Variants in HCN4 observed in about 807,000 individuals in gnomAD.
HCN4 encodes potassium/sodium hyperpolarization-activated cyclic nucleotide-gated channel 4.
HCN4 carries 29 observed loss-of-function variants against 76.9 expected under a neutral mutation model. The ratio of observed to expected loss-of-function variants is 0.38; its 90% CI spans 0.28 to 0.51. The LOEUF (loss-of-function observed/expected upper bound fraction) is 0.51, where lower values mean the gene tolerates loss of function less well. Among genes scored for constraint, HCN4 ranks in the 20% least tolerant of loss-of-function variants. The pLI is 0.90. For missense variants in HCN4, 1,416 were observed against 1,715.2 expected (o/e 0.83, Z 3.08); for synonymous variants, 772 against 762.5 (o/e 1.01, Z -0.21).
chr15:73,357,710 CT>C (rs1049866421), intron 1 of HCN4, among the ~76,000 whole-genome samples: 3 of 152,028 alleles, frequency 2.0e-5, no homozygotes, highest in African/African-American at 7.3e-5. Context: ...GAGGGAGGGC[CT>C]TCAAGAGGCC....
At chr15:73,365,579 G>C (rs1404477817) in intron 1 of HCN4, among the ~76,000 whole-genome samples, 2 of 152,210 alleles carry the variant, frequency 1.3e-5, no homozygotes, top group Non-Finnish European at 2.9e-5. Flanking sequence ...GACCAGGAAG[G>C]GGAAAAGGAT....
intron 2 of HCN4, among the ~76,000 whole-genome samples, chr15:73,332,545 G>A (rs1051032308): frequency 1.2e-4 from 19 of 152,234 alleles, no homozygotes; most frequent in Non-Finnish European, 2.4e-4. Context: ...CTTCCTGAAA[G>A]GTCTAGCCAT....
Position 73,347,497 on chromosome 15 carries a change from A to T in HCN4, c.786-3689T>A, listed in dbSNP as rs566334741. 3.9e-4 allele frequency among the ~76,000 whole-genome samples: 60 copies of T among 152,166 alleles called. 1 individual carries two copies. Among genetic ancestry groups the T allele is most frequent in the Non-Finnish European group, 6.6e-4 (45 of 68,022 alleles). On this transcript the variant is annotated intron_variant, in intron 1 of 7. Coordinates refer to ENST00000261917, the MANE Select transcript of HCN4 (RefSeq NM_005477.3). ...ATGCTCCTGATGCTAGGGCTGTCTG[A>T]GGTAGAGGAAGTAGCACACCTCTCA... is the stretch of plus-strand genomic sequence containing the variant.
rs2042890190 is a variant in HCN4 at position 73,325,001 on chromosome 15, G to C, written c.1932C>G (p.Thr644=). Residue 644 remains threonine (T), a synonymous_variant, in exon 6 of 8, where the codon ACC becomes ACG. Transcript: ENST00000261917. The surrounding 1 kb of genome is among the most constrained non-coding windows in gnomAD (Gnocchi z 7.4). ...CCAGCTTGGTCTCCTTGTTGCCCTT[G>C]GTGAGCACGCTGACCACGCCATGCT... ...FIQHGVVSVL[T]KGNKETKLAD... 2 of 1,614,056 alleles carry C rather than the reference G, an allele frequency of 1.2e-6. No homozygotes were observed. The highest frequency in any genetic ancestry group is 1.3e-5 in the African/African-American group (1 of 74,926).
rs2042847599 is a variant in HCN4, at chr15:73,320,093, CT to C, written c.*2387del. 1 of 152,232 alleles carries C rather than the reference CT, an allele frequency of 6.6e-6. No individual in the cohort carries two copies. Among genetic ancestry groups the C allele is most frequent in the Non-Finnish European group, 1.5e-5 (1 of 68,150 alleles). 9.4% of individuals were successfully genotyped at this position (152,232 alleles called of 1,614,324 possible). ...AGGCCAGGCTCTGATGGCAAGGGGG[CT>C]CCTCATGGCCCTGGACCCTCCACCT... On this transcript the variant is annotated 3_prime_UTR_variant, in exon 8 of 8. Coordinates refer to ENST00000261917, the MANE Select transcript of HCN4 (RefSeq NM_005477.3).
At chr15:73,330,317 C>T (rs1595823259) in intron 3 of HCN4, among the ~76,000 whole-genome samples, 1 of 152,370 alleles carries the variant, frequency 6.6e-6, no homozygotes, top group East Asian at 1.9e-4. Context: ...GGGCCTCCTG[C>T]ATGAACCCTG....
Position 73,343,650 on chromosome 15 carries a change from C to T in HCN4, c.944G>A (p.Arg315His), listed in dbSNP as rs759685985. ...FFLIDLVLNF[R>H]TGIVVEDNTE... Reference sequence around the variant, plus strand: ...GTTGTCCTCCACCACGATCCCTGTGCGGAAGTTGAGGACCAAGTCGATGAG... The same window carrying T: ...GTTGTCCTCCACCACGATCCCTGTGTGGAAGTTGAGGACCAAGTCGATGAG... Residue 315 changes from arginine to histidine, a missense_variant, in exon 2 of 8, where the codon CGC becomes CAC. By Grantham distance (29) the Arg-to-His change is conservative (BLOSUM62 0). Around this residue, in one of 6 missense-constraint regions of HCN4, gnomAD observed 52 missense variants for 129.1 expected, o/e 0.40. Transcript: ENST00000261917. This position sits in a 1 kb window ranked among gnomAD's most constrained non-coding sequence, Gnocchi z 5.7. The T allele has an allele frequency of 6.2e-6, 10 of 1,614,106 alleles. No individual in the cohort carries two copies. Among genetic ancestry groups the T allele is most frequent in the African/African-American group, 1.3e-5 (1 of 74,988 alleles).
intron 2 of HCN4, among the ~76,000 whole-genome samples, chr15:73,333,318 T>C (rs1270547677): frequency 6.6e-6 from 1 of 152,170 alleles, no homozygotes; most frequent in Non-Finnish European, 1.5e-5. Flanking sequence ...GACTTTGAAG[T>C]GGGTCTAGCC....
intron 3 of HCN4, among the ~76,000 whole-genome samples, chr15:73,330,573 C>A (rs1258210109): frequency 6.6e-6 from 1 of 152,220 alleles, no homozygotes; most frequent in African/African-American, 2.4e-5. Context: ...CAGATGAGGG[C>A]CCATTGAACC....
Position 73,368,277 on chromosome 15 carries a change from A to G in HCN4, c.-7T>C. 1 of 1,483,890 alleles carries G rather than the reference A, an allele frequency of 6.7e-7. No individual in the cohort carries two copies. The highest frequency in any genetic ancestry group is 8.9e-7 in the Non-Finnish European group (1 of 1,121,676). 91.9% of individuals were successfully genotyped at this position (1,483,890 alleles called of 1,614,324 possible). ...ACGGCGGCAGCTTGTCCATGGCGCC[A>G]GGGGCCGGGGTCGGACCGGGCCGGG... On this transcript the variant is annotated 5_prime_UTR_variant, in exon 1 of 8. Transcript: ENST00000261917. This position sits in a 1 kb window ranked among gnomAD's most constrained non-coding sequence, Gnocchi z 6.9.
Position 73,321,146 on chromosome 15 carries a change from TGAG to T in HCN4, c.*1332_*1334del, listed in dbSNP as rs2042854847. On this transcript the variant is annotated 3_prime_UTR_variant, in exon 8 of 8. Coordinates refer to ENST00000261917, the MANE Select transcript of HCN4 (RefSeq NM_005477.3). ...ACCATAATTATTCCCATTTTACAAA[TGAG>T]GTGACAGAAAGGTCAGATAACTTGC... is the stretch of plus-strand genomic sequence containing the variant. The T allele has an allele frequency of 1.3e-5, 2 of 152,226 alleles. No homozygotes were observed. The highest frequency in any genetic ancestry group is 4.8e-5 in the African/African-American group (2 of 41,450). 9.4% of individuals were successfully genotyped at this position (152,226 alleles called of 1,614,324 possible).
rs1381026354 is a variant in HCN4 at position 73,367,026 on chromosome 15, G to A, written c.785+460C>T. Among the ~76,000 whole-genome samples the A allele has an allele frequency of 6.6e-6, 1 of 152,210 alleles. No homozygotes were observed. The highest frequency in any genetic ancestry group is 1.5e-5 in the Non-Finnish European group (1 of 68,038). ...CCGCAGCTTCCCAGGGCACCAGAAA[G>A]CAGACATAAATGCCTGCTGTCAGCA... On this transcript the variant is annotated intron_variant, in intron 1 of 7. Transcript: ENST00000261917. The surrounding 1 kb of genome is among the most constrained non-coding windows in gnomAD (Gnocchi z 7.5).
In HCN4 at chr15:73,321,038, C is replaced by G. The variant is rs1386492980; in HGVS notation, c.*1443G>C. 1 of 152,222 alleles carries G rather than the reference C, an allele frequency of 6.6e-6. No homozygotes were observed. Among genetic ancestry groups the G allele is most frequent in the East Asian group, 1.9e-4 (1 of 5,190 alleles). 9.4% of individuals were successfully genotyped at this position (152,222 alleles called of 1,614,324 possible). On this transcript the variant is annotated 3_prime_UTR_variant, in exon 8 of 8. Transcript: ENST00000261917. The stretch of plus-strand genomic sequence containing the variant: ...AATGTGATTTTTTATTGAGCACCTA[C>G]CATGGTATGTGCCAGGCGCTGGGCT...
chr15:73,341,154 T>C (rs1177563211), intron 2 of HCN4: 2 of 151,794 alleles, frequency 1.3e-5, no homozygotes, highest in Admixed American at 6.6e-5. Context: ...ATTTATTTTT[T>C]TGAGACGGAG....
intron 1 of HCN4, among the ~76,000 whole-genome samples, chr15:73,352,218 T>C (rs2043058069): frequency 6.6e-6 from 1 of 152,076 alleles, no homozygotes; most frequent in Non-Finnish European, 1.5e-5. Flanking sequence ...GGATGGGGGA[T>C]GGGTGAACAG....
intron 1 of HCN4, among the ~76,000 whole-genome samples, chr15:73,359,248 G>A (rs1335825222): frequency 2.6e-5 from 4 of 152,152 alleles, no homozygotes; most frequent in African/African-American, 4.8e-5. Flanking sequence ...CTATCCAGCC[G>A]GCACGGCTCG....
At chr15:73,361,094 G>A (rs2043102832) in intron 1 of HCN4, among the ~76,000 whole-genome samples, 1 of 152,200 alleles carries the variant, frequency 6.6e-6, no homozygotes, top group African/African-American at 2.4e-5. Context: ...TAAAAACATT[G>A]GCTCAGATTT....
chr15:73,333,244 A>G (rs2042943117), intron 2 of HCN4, among the ~76,000 whole-genome samples: 1 of 152,078 alleles, frequency 6.6e-6, no homozygotes, highest in Admixed American at 6.6e-5. Context: ...TGGGGGATGG[A>G]GAGGTGGAGG....
At chr15:73,344,849 G>A (rs2043023109) in intron 1 of HCN4, among the ~76,000 whole-genome samples, 1 of 152,166 alleles carries the variant, frequency 6.6e-6, no homozygotes, top group South Asian at 2.1e-4. Context: ...CAGAAGGCAT[G>A]GCCAGTTATT....
Sources: allele counts gnomAD v4.1 joint callset (sites outside exome capture counted in the v4.1 genomes callset), GRCh38; gene constraint gnomAD v4.1.1; regional missense constraint gnomAD v4.1.1; non-coding constraint Gnocchi (gnomAD v3.1); transcripts MANE v1.5; gene names NCBI Gene and HGNC (gene_info 2026-07-23, HGNC 2026-07-21).